The following TTK variants were observed in gnomAD, a reference collection of about 807,000 sequenced individuals.
TTK encodes dual specificity protein kinase TTK.
A neutral mutation model predicts 117.3 loss-of-function variants in TTK; 59 were observed. That is an observed-to-expected ratio of 0.50 (90% CI 0.41 to 0.62). The LOEUF (loss-of-function observed/expected upper bound fraction) is 0.62. Ranked by LOEUF, TTK falls within the 20% of genes least tolerant of loss-of-function variation. TTK has a pLI of 0.00. For synonymous variants in TTK, 302 were observed against 325.0 expected, an observed-to-expected ratio of 0.93 and a Z score of 0.76; for missense variants, 921 against 989.4, an observed-to-expected ratio of 0.93 and a Z score of 0.93.
rs778034164 is a variant in TTK, at chr6:80,031,610, TG to T, written c.1614+52del. Reference sequence around the variant, plus strand: ...ATAAATAAAAATATTTTAAACTTTCTGTTTTTTTGTCTTTTTACCTGTGAGG... The same window carrying T: ...ATAAATAAAAATATTTTAAACTTTCTTTTTTTTGTCTTTTTACCTGTGAGG... On this transcript the variant is annotated intron_variant, in intron 14 of 21. Transcript: ENST00000369798. The T allele has an allele frequency of 3.6e-4, 490 of 1,366,814 alleles. 1 individual carries two copies. The highest frequency in any genetic ancestry group is 7.6e-4 in the Admixed American group (28 of 36,682). The allele number at this position is 1,366,814 out of a possible 1,614,324, so 84.7% of individuals were successfully genotyped here.
intron 2 of TTK, among the ~76,000 whole-genome samples, chr6:80,007,387 A>G (rs1767020801): frequency 6.6e-6 from 1 of 152,182 alleles, no homozygotes; most frequent in South Asian, 2.1e-4. Context: ...AGTAGGTTTA[A>G]TGAATAAATC....
chr6:80,011,747 A>G lies in TTK; in HGVS notation c.747A>G (p.Gln249=). The change falls in exon 7 of 22, where the codon CAA becomes CAG. Residue 249 remains glutamine, a synonymous_variant. Transcript: ENST00000369798. ...TGTTTAGAGAGAACATGCCACCACAAGATGCAGAAATAGGTTACCGGAATT... is the reference window on the plus strand; with the variant it reads ...TGTTTAGAGAGAACATGCCACCACAGGATGCAGAAATAGGTTACCGGAATT... ...RFLYGENMPP[Q]DAEIGYRNSL... The G allele has an allele frequency of 6.2e-7, 1 of 1,612,814 alleles. No homozygotes were observed. Among genetic ancestry groups the G allele is most frequent in the Non-Finnish European group, 8.5e-7 (1 of 1,179,218 alleles).
chr6:80,037,912 T>A, intron 17 of TTK, 55 bp from the exon 18 acceptor site: 1 of 1,074,612 alleles, frequency 9.3e-7, no homozygotes, highest in African/African-American at 1.7e-5. Flanking sequence ...AAAAAAAATC[T>A]AAAGCAGAAT....
intron 6 of TTK, 23 bp downstream of exon 6, chr6:80,011,571 T>G: frequency 6.3e-7 from 1 of 1,582,136 alleles, no homozygotes; most frequent in Non-Finnish European, 8.6e-7. Flanking sequence ...AAACAGTTTT[T>G]AAATGTTCAT....
chr6:80,026,474 A>G lies in TTK; in HGVS notation c.1354A>G (p.Lys452Glu), dbSNP rs1373135808. The G allele has an allele frequency of 6.2e-7, 1 of 1,613,914 alleles. No homozygotes were observed. The highest frequency in any genetic ancestry group is 1.7e-5 in the Admixed American group (1 of 60,022). Residue 452 changes from lysine (K) to glutamate (E), a missense_variant, in exon 12 of 22, where the codon AAG (lysine) becomes GAG (glutamate). By Grantham distance (56) the Lys-to-Glu change is moderately conservative. Transcript: ENST00000369798. Reference sequence around the variant, plus strand: ...ATGGTTTGACCCAAAATCTATTTGTAAGACACCAAGCAGCAATACCTTGGA... The same window carrying G: ...ATGGTTTGACCCAAAATCTATTTGTGAGACACCAAGCAGCAATACCTTGGA... The part of the protein sequence containing the change: ...SKWFDPKSIC[K>E]TPSSNTLDDY...
rs34381465 is a variant in TTK at position 80,025,859 on chromosome 6, C to CTT, written c.1258-504_1258-503dup. Among the ~76,000 whole-genome samples, 357 of 130,232 alleles carry CTT rather than the reference C, an allele frequency of 2.7e-3. 2 individuals carry two copies. Among genetic ancestry groups the CTT allele is most frequent in the African/African-American group, 8.7e-3 (312 of 35,980 alleles). 85.4% of individuals were successfully genotyped at this position (130,232 alleles called of 152,430 possible). On this transcript the variant is annotated intron_variant, in intron 11 of 21. Coordinates refer to ENST00000369798, the MANE Select transcript of TTK (RefSeq NM_003318.5). Reference sequence around the variant, plus strand: ...TTGTATAGGATGAATCCTATAGGTTCTTTTTTTTTTTTTTTTCCCAACAAT... The same window carrying CTT: ...TTGTATAGGATGAATCCTATAGGTTCTTTTTTTTTTTTTTTTTTCCCAACAAT...
At chr6:80,008,074 T>G (rs1562010195) in intron 3 of TTK, 43 bp downstream of exon 3, 1 of 1,580,490 alleles carries the variant, frequency 6.3e-7, no homozygotes, top group African/African-American at 1.4e-5. Context: ...TGTTACATAA[T>G]ATGTAACTAC....
chr6:80,027,269 T>C (rs1767631767), intron 12 of TTK, among the ~76,000 whole-genome samples: 1 of 152,216 alleles, frequency 6.6e-6, no homozygotes, highest in Non-Finnish European at 1.5e-5. Flanking sequence ...ATAGTTTTAC[T>C]ATATATTGCC....
Position 80,035,075 on chromosome 6 carries a change from C to T in TTK, c.1705C>T (p.Arg569Trp), listed in dbSNP as rs1041923854. 14 of 1,602,212 alleles carry T rather than the reference C, an allele frequency of 8.7e-6. No individual in the cohort carries two copies. The highest frequency in any genetic ancestry group is 4.5e-5 in the East Asian group (2 of 44,494). The stretch of plus-strand genomic sequence containing the variant: ...AGATAACCAAACTCTTGATAGTTAC[C>T]GGAACGAAATAGCTTATTTGAATAA... ...EADNQTLDSY[R>W]NEIAYLNKLQ... Residue 569 changes from arginine to tryptophan, a missense_variant, in exon 15 of 22, where the codon CGG becomes TGG. Arg to Trp is a moderately radical substitution (Grantham distance 101, BLOSUM62 -3). Coordinates refer to ENST00000369798, the MANE Select transcript of TTK (RefSeq NM_003318.5).
chr6:80,016,600 A>G (rs1453747895), intron 10 of TTK, among the ~76,000 whole-genome samples: 1 of 152,056 alleles, frequency 6.6e-6, no homozygotes, highest in Non-Finnish European at 1.5e-5. Context: ...TTTAAGAGGT[A>G]TTTATATGAT....
chr6:80,036,785 C>G (rs749892932), intron 17 of TTK, among the ~76,000 whole-genome samples, 186 bp downstream of exon 17: 2 of 151,990 alleles, frequency 1.3e-5, no homozygotes, highest in African/African-American at 2.4e-5. Flanking sequence ...AAGTCAAGAT[C>G]AAATAGTAAT....
chr6:80,013,574 A>G (rs1349397156), intron 9 of TTK: 1 of 412,808 alleles, frequency 2.4e-6, no homozygotes, highest in Non-Finnish European at 4.3e-6. Flanking sequence ...TGGTAGAGCA[A>G]GGATCAACAA....
Position 80,027,978 on chromosome 6 carries a change from T to C in TTK, c.1488T>C (p.His496=), listed in dbSNP as rs202016639. 1.9e-6 allele frequency: 3 copies of C among 1,606,238 alleles called. No individual in the cohort carries two copies. In the African/African-American group the frequency reaches 4.0e-5, roughly 21 times the overall value. Reference sequence around the variant, plus strand: ...CTGCCTGTTTCCAGCAGCAACAGCATCAAATACTTGCCACTCCACTTCAAA... The same window carrying C: ...CTGCCTGTTTCCAGCAGCAACAGCACCAAATACTTGCCACTCCACTTCAAA... ...GQPACFQQQQ[H]QILATPLQNL... is the part of the protein sequence containing the mutation. Residue 496 remains histidine (H), a synonymous_variant, in exon 13 of 22, where the codon CAT becomes CAC. Transcript: ENST00000369798.
At chr6:80,022,621 T>C (rs1318340035) in intron 11 of TTK, 149 bp downstream of exon 11, 1 of 902,940 alleles carries the variant, frequency 1.1e-6, no homozygotes, top group Non-Finnish European at 1.6e-6. Context: ...ATTTATAAAG[T>C]GGTGATCAGT....
intron 10 of TTK, among the ~76,000 whole-genome samples, chr6:80,021,235 C>T (rs1767449857): frequency 1.3e-5 from 2 of 152,190 alleles, no homozygotes; most frequent in African/African-American, 4.8e-5. Flanking sequence ...GGGTGGTCTC[C>T]CTAGCTGCTG....
intron 9 of TTK, 23 bp from the exon 10 acceptor site, chr6:80,014,440 A>C: frequency 6.3e-7 from 1 of 1,580,520 alleles, no homozygotes; most frequent in East Asian, 2.3e-5. Context: ...ATGGGACTTT[A>C]TTTGATTTTC....
At position 80,031,450 on chromosome 6, in the gene TTK, A is replaced by G. The variant is rs961868335; in HGVS notation, c.1522-17A>G. 91 of 1,436,714 alleles carry G rather than the reference A, an allele frequency of 6.3e-5. No individual in the cohort carries two copies. The highest frequency in any genetic ancestry group is 7.5e-5 in the Non-Finnish European group (81 of 1,084,870). The allele number at this position is 1,436,714 out of a possible 1,614,324, so 89.0% of individuals were successfully genotyped here. A position where few individuals can be genotyped will look rare whatever the true frequency, so the allele number is the denominator to read the frequency against. On this transcript the variant is annotated splice_polypyrimidine_tract_variant and intron_variant, in intron 13 of 21. Coordinates refer to ENST00000369798, the MANE Select transcript of TTK (RefSeq NM_003318.5). ...GGTATATTGATTAACTTTTATTTAT[A>G]TATTTTACTTATTTAGGTTTTAGCA...
chr6:80,008,408 C>T lies in TTK; in HGVS notation c.385C>T (p.Arg129Cys), dbSNP rs751911841. ...LKAIQEPDDA[R>C]DYFQMARANC... The stretch of plus-strand genomic sequence containing the variant: ...CAGTATTCAAGAGCCAGATGATGCA[C>T]GTGACTACTTTCAAATGGCCAGAGC... Residue 129 changes from arginine to cysteine, a missense_variant, in exon 4 of 22, where the codon CGT (arginine) becomes TGT (cysteine). Transcript: ENST00000369798. 6.8e-6 allele frequency: 11 copies of T among 1,611,982 alleles called. No homozygotes were observed. The highest frequency in any genetic ancestry group is 2.2e-5 in the East Asian group (1 of 44,698).
chr6:80,012,767 T>C (rs1399885661), intron 8 of TTK, among the ~76,000 whole-genome samples: 1 of 152,114 alleles, frequency 6.6e-6, no homozygotes, highest in East Asian at 1.9e-4. Context: ...TAAAGTCTTA[T>C]CACTATGATT....
Sources: gnomAD v4.1 joint callset for allele counts (sites outside exome capture counted in the v4.1 genomes callset) on GRCh38, gnomAD v4.1.1 for gene constraint, MANE v1.5 for transcripts, NCBI Gene and HGNC (gene_info 2026-07-23, HGNC 2026-07-21) for gene names.